Variants in COBLL1 observed in about 807,000 individuals in gnomAD.
The protein encoded by COBLL1 is cordon-bleu WH2 repeat protein like 1.
In COBLL1, 50 loss-of-function variants were observed where a neutral mutation model predicts 94.8. The ratio of observed to expected loss-of-function variants is 0.53; its 90% confidence interval spans 0.42 to 0.67. COBLL1 has a LOEUF of 0.67. Among genes scored for constraint, COBLL1 ranks in the 30% least tolerant of loss-of-function variants. COBLL1 has a pLI of 0.00. For synonymous variants in COBLL1, 448 were observed against 473.8 expected (o/e 0.95, Z 0.71); for missense variants, 1,362 against 1,348.7 (o/e 1.01, Z -0.15).
At chr2:164,759,784 G>A (rs1687593537) in intron 2 of COBLL1, among the ~76,000 whole-genome samples, 1 of 152,150 alleles carries the variant, frequency 6.6e-6, no homozygotes, top group South Asian at 2.1e-4. Flanking sequence ...TACACGAATG[G>A]CAAATAGACA....
At position 164,841,126 on chromosome 2, in the gene COBLL1, G is replaced by A. The variant is rs1683580787; in HGVS notation, c.41+30C>T. On this transcript the variant is annotated intron_variant, in intron 2 of 13. Coordinates refer to ENST00000652658, the MANE Select transcript of COBLL1 (RefSeq NM_001365672.2). This position sits in a 1 kb window ranked among gnomAD's most constrained non-coding sequence, Gnocchi z 5.5. Reference sequence around the variant, plus strand: ...GTCCTCGCCGGCCTCGCCCTCCCCGGTGAGAGGCGGCGCGGCGCTCTGGGC... The same window carrying A: ...GTCCTCGCCGGCCTCGCCCTCCCCGATGAGAGGCGGCGCGGCGCTCTGGGC... 9 of 1,229,442 alleles carry A rather than the reference G, an allele frequency of 7.3e-6. No homozygotes were observed. Among genetic ancestry groups the A allele is most frequent in the African/African-American group, 1.6e-5 (1 of 64,372 alleles). 76.2% of individuals were successfully genotyped at this position (1,229,442 alleles called of 1,614,324 possible). A position where few individuals can be genotyped will look rare whatever the true frequency, so the allele number is the denominator to read the frequency against.
intron 2 of COBLL1, among the ~76,000 whole-genome samples, chr2:164,771,377 A>G (rs1045764276): frequency 1.3e-5 from 2 of 151,984 alleles, no homozygotes; most frequent in Non-Finnish European, 2.9e-5. Flanking sequence ...ACAGGGTATC[A>G]CTGTCTTCTA....
At chr2:164,766,436 A>G (rs355843) in intron 2 of COBLL1, among the ~76,000 whole-genome samples, 35,998 of 151,914 alleles carry the variant, frequency 0.24, 5,040 homozygotes, top group African/African-American at 0.39. Flanking sequence ...GTTCTTGTGA[A>G]ATCTGGTCAT....
intron 7 of COBLL1, among the ~76,000 whole-genome samples, chr2:164,720,545 C>T (rs1685392116): frequency 6.6e-6 from 1 of 152,064 alleles, no homozygotes; most frequent in Non-Finnish European, 1.5e-5. Flanking sequence ...AAAAAGGTAG[C>T]TACTCAAGAG....
At chr2:164,678,871 C>T (rs1184302367), downstream of COBLL1, among the ~76,000 whole-genome samples, 3 of 152,096 alleles carry the variant, frequency 2.0e-5, no homozygotes, top group Non-Finnish European at 4.4e-5. Context: ...TTCTTTATGA[C>T]CCAGCACAGT....
rs530501851 is a variant in COBLL1, at chr2:164,794,573, G to A, written c.41+46583C>T. On this transcript the variant is annotated intron_variant, in intron 2 of 13. Coordinates refer to ENST00000652658, the MANE Select transcript of COBLL1 (RefSeq NM_001365672.2). ...ACTGTATTTAGAATTCTGACATTTC[G>A]GTGACCCTTTACTAGGCACAGGGAT... Among the ~76,000 whole-genome samples, 5 of 152,136 alleles carry A rather than the reference G, an allele frequency of 3.3e-5. No individual in the cohort carries two copies. The East Asian group carries it at 5.8e-4, about 18-fold the overall frequency.
intron 1 of COBLL1, among the ~76,000 whole-genome samples, chr2:164,669,036 A>C (rs777201704): frequency 2.6e-5 from 4 of 152,240 alleles, no homozygotes; most frequent in Non-Finnish European, 5.9e-5. Context: ...TCCTGTCCTT[A>C]GCAATAGCTG....
At chr2:164,672,337 C>T (rs995800848) in intron 1 of COBLL1, among the ~76,000 whole-genome samples, 1 of 152,172 alleles carries the variant, frequency 6.6e-6, no homozygotes, top group Non-Finnish European at 1.5e-5. Context: ...TTTTCATAGA[C>T]AAATAGTATC....
At chr2:164,693,057 G>A (rs957568660) in intron 12 of COBLL1, among the ~76,000 whole-genome samples, 4 of 152,264 alleles carry the variant, frequency 2.6e-5, no homozygotes, top group African/African-American at 9.6e-5. Flanking sequence ...ACTGATGTAA[G>A]TGGCATATGT....
Position 164,841,296 on chromosome 2 carries a change from G to A in COBLL1, c.-50-50C>T, listed in dbSNP as rs1683598394. Reference sequence around the variant, plus strand: ...CAGGGCGGGACGCGCGCCTTCCCGAGGCCGGAGCGAAGCTGGCTGAGCGTC... The same window carrying A: ...CAGGGCGGGACGCGCGCCTTCCCGAAGCCGGAGCGAAGCTGGCTGAGCGTC... On this transcript the variant is annotated intron_variant, in intron 1 of 13. Coordinates refer to ENST00000652658, the MANE Select transcript of COBLL1 (RefSeq NM_001365672.2). This position sits in a 1 kb window ranked among gnomAD's most constrained non-coding sequence, Gnocchi z 5.5. 1 of 1,216,270 alleles carries A rather than the reference G, an allele frequency of 8.2e-7. No homozygotes were observed. Among genetic ancestry groups the A allele is most frequent in the Non-Finnish European group, 1.0e-6 (1 of 977,966 alleles). 75.3% of individuals were successfully genotyped at this position (1,216,270 alleles called of 1,614,324 possible). A position where few individuals can be genotyped will look rare whatever the true frequency, so the allele number is the denominator to read the frequency against.
At position 164,683,396 on chromosome 2, in the gene COBLL1, CAT is replaced by C. The variant is rs1226668643; in HGVS notation, c.*2548_*2549del. On this transcript the variant is annotated 3_prime_UTR_variant, in exon 14 of 14. Coordinates refer to ENST00000652658, the MANE Select transcript of COBLL1 (RefSeq NM_001365672.2). ...TTCTTTCCCCATTGACAGGATAGCACATGTTCTCCTAAAATGGTGTCGATAAG... is the reference window on the plus strand; with the variant it reads ...TTCTTTCCCCATTGACAGGATAGCACGTTCTCCTAAAATGGTGTCGATAAG... 4 of 152,028 alleles carry C rather than the reference CAT, an allele frequency of 2.6e-5. No homozygotes were observed. The highest frequency in any genetic ancestry group is 7.2e-5 in the African/African-American group (3 of 41,400). The allele number at this position is 152,028 out of a possible 1,614,324, so 9.4% of individuals were successfully genotyped here. A position where few individuals can be genotyped will look rare whatever the true frequency, so the allele number is the denominator to read the frequency against.
At chr2:164,719,400 G>A (rs572201873) in intron 7 of COBLL1, among the ~76,000 whole-genome samples, 29 of 152,132 alleles carry the variant, frequency 1.9e-4, no homozygotes, top group African/African-American at 6.7e-4. Context: ...ACTGTGACTG[G>A]GTGGCTAAAA....
rs1684058551 is a variant in COBLL1 at position 164,805,330 on chromosome 2, T to TATA, written c.41+35825_41+35826insTAT. Among the ~76,000 whole-genome samples, 29 of 47,322 alleles carry TATA rather than the reference T, an allele frequency of 6.1e-4. 2 individuals carry two copies. The highest frequency in any genetic ancestry group is 1.2e-3 in the Non-Finnish European group (26 of 21,800). 31.0% of individuals were successfully genotyped at this position (47,322 alleles called of 152,430 possible). The stretch of plus-strand genomic sequence containing the variant: ...CTCTCTCTCTCTCTCTCTCTCTCTC[T>TATA]CTCTCTCTATATATATATATATATA... On this transcript the variant is annotated intron_variant, in intron 2 of 13. Transcript: ENST00000652658.
At position 164,683,877 on chromosome 2, in the gene COBLL1, A is replaced by C. The variant is rs968711084; in HGVS notation, c.*2069T>G. The C allele has an allele frequency of 6.6e-6, 1 of 152,182 alleles. No homozygotes were observed. Among genetic ancestry groups the C allele is most frequent in the Admixed American group, 6.6e-5 (1 of 15,258 alleles). The allele number at this position is 152,182 out of a possible 1,614,324, so 9.4% of individuals were successfully genotyped here. A position where few individuals can be genotyped will look rare whatever the true frequency, so the allele number is the denominator to read the frequency against. The stretch of plus-strand genomic sequence containing the variant: ...GCATTACTAAAGCTGAGCACGGGTT[A>C]GGACCCCTTTCTGCTGTTTTACACA... On this transcript the variant is annotated 3_prime_UTR_variant, in exon 14 of 14. Transcript: ENST00000652658.
chr2:164,702,792 G>T (rs1026422212), intron 9 of COBLL1, among the ~76,000 whole-genome samples: 4 of 151,872 alleles, frequency 2.6e-5, no homozygotes, highest in Non-Finnish European at 4.4e-5. Context: ...TTTTAAGTGT[G>T]AGCCACCATG....
At chr2:164,701,095 TGCAAATTAAAG>T (rs1314650601) in intron 9 of COBLL1, among the ~76,000 whole-genome samples, 3 of 152,204 alleles carry the variant, frequency 2.0e-5, no homozygotes, top group Admixed American at 6.5e-5. Context: ...AACTCAATAG[TGCAAATTAAAG>T]GCAAATTAAT....
chr2:164,805,318 TCTCTCTCTCTCTCTCTCTC>T (rs1366584088), intron 2 of COBLL1, among the ~76,000 whole-genome samples: 1 of 47,910 alleles, frequency 2.1e-5, no homozygotes, highest in Non-Finnish European at 3.9e-5. Flanking sequence ...TCTCTCTCTC[TCTCTCTCTCTCTCTCTCTC>T]TATATATATA....
intron 2 of COBLL1, among the ~76,000 whole-genome samples, chr2:164,814,501 C>A (rs149055957): frequency 5.9e-5 from 9 of 152,232 alleles, no homozygotes; most frequent in African/African-American, 2.2e-4. Context: ...AATAAATAGT[C>A]ATTGAATAAA....
chr2:164,734,444 T>C (rs1017584029), intron 3 of COBLL1, among the ~76,000 whole-genome samples: 2 of 152,192 alleles, frequency 1.3e-5, no homozygotes, highest in Admixed American at 6.5e-5. Context: ...TTTAAAGGCC[T>C]TTCAAGTGAA....
Sources: gnomAD v4.1 joint callset for allele counts (sites outside exome capture counted in the v4.1 genomes callset) on GRCh38, gnomAD v4.1.1 for gene constraint, Gnocchi (gnomAD v3.1) non-coding constraint, MANE v1.5 for transcripts, NCBI Gene and HGNC (gene_info 2026-07-23, HGNC 2026-07-21) for gene names.